The following LRRC49 variants were observed in gnomAD, a reference collection of about 807,000 sequenced individuals.
LRRC49 encodes leucine-rich repeat-containing protein 49.
A neutral mutation model predicts 83.3 loss-of-function variants in LRRC49; 50 were observed. The ratio of observed to expected loss-of-function variants is 0.60; its 90% CI spans 0.48 to 0.76. The LOEUF (loss-of-function observed/expected upper bound fraction) is 0.76, where lower values mean the gene tolerates loss of function less well. LRRC49 is among the 30% of genes least tolerant of loss of function. The pLI, the probability that LRRC49 is intolerant of heterozygous loss-of-function variation, is 0.00. For synonymous variants in LRRC49, 286 were observed against 283.3 expected (o/e 1.01, Z -0.10); for missense variants, 704 against 809.1 (o/e 0.87, Z 1.58).
intron 8 of LRRC49, among the ~76,000 whole-genome samples, chr15:70,946,450 C>T (rs2036011165): frequency 1.3e-5 from 2 of 152,040 alleles, no homozygotes; most frequent in African/African-American, 4.8e-5. Context: ...AATTGTATTC[C>T]ACTGTGCATA....
intron 8 of LRRC49, among the ~76,000 whole-genome samples, chr15:70,956,853 A>C (rs2036419037): frequency 6.6e-6 from 1 of 152,192 alleles, no homozygotes; most frequent in East Asian, 1.9e-4. Flanking sequence ...TCAAAGCATA[A>C]AGACTTCAGT....
In LRRC49 at chr15:71,042,875, C is replaced by T. The variant is rs542295102; in HGVS notation, c.1857+5543C>T. Among the ~76,000 whole-genome samples, 27 of 152,250 alleles carry T rather than the reference C, an allele frequency of 1.8e-4. 1 individual carries two copies. The South Asian group carries it at 3.7e-3, about 21-fold the overall frequency. ...AACTCAGATGAGTTACTGAGGGTCA[C>T]GTTGAATTATTGACTGAGCCGCCTC... On this transcript the variant is annotated intron_variant, in intron 15 of 15. Coordinates refer to ENST00000260382, the MANE Select transcript of LRRC49 (RefSeq NM_017691.5).
chr15:71,036,256 A>T (rs113583186), intron 14 of LRRC49, among the ~76,000 whole-genome samples: 2,964 of 152,050 alleles, frequency 0.019, 93 homozygotes, highest in African/African-American at 0.068. Context: ...TGTCAGATGG[A>T]TAGATAGCAA....
Position 70,872,159 on chromosome 15 carries a change from C to G in LRRC49, c.-298-749C>G, listed in dbSNP as rs535353140. Among the ~76,000 whole-genome samples the G allele has an allele frequency of 8.5e-5, 13 of 152,314 alleles. No individual in the cohort carries two copies. In the East Asian group the frequency reaches 2.5e-3, roughly 29 times the overall value. On this transcript the variant is annotated intron_variant, in intron 1 of 16. Coordinates refer to the LRRC49 transcript ENST00000544974. ...CTGCAATCCTGGCACCTCGGGAGGC[C>G]GAAGCTGGCAGATCACTCACGGTCA...
intron 11 of LRRC49, among the ~76,000 whole-genome samples, chr15:70,998,396 AT>A (rs1209913238): frequency 1.3e-5 from 2 of 152,032 alleles, no homozygotes; most frequent in African/African-American, 2.4e-5. Context: ...GCTTTTGTTT[AT>A]CAGGGAATGT....
At chr15:70,962,875 A>G (rs2036653537) in intron 8 of LRRC49, among the ~76,000 whole-genome samples, 1 of 152,058 alleles carries the variant, frequency 6.6e-6, no homozygotes, top group African/African-American at 2.4e-5. Context: ...AGAGGATGCA[A>G]TGGTAACTTT....
intron 7 of LRRC49, among the ~76,000 whole-genome samples, chr15:70,920,034 G>T (rs1485223259): frequency 6.6e-6 from 1 of 152,166 alleles, no homozygotes; most frequent in Non-Finnish European, 1.5e-5. Flanking sequence ...TTTGTGATAT[G>T]ATACAGCTAA....
rs577246810 is a variant in LRRC49, at chr15:71,048,435, T to G, written c.1858-974T>G. Among the ~76,000 whole-genome samples, 4 of 152,270 alleles carry G rather than the reference T, an allele frequency of 2.6e-5. No homozygotes were observed. In the South Asian group the frequency reaches 8.3e-4, roughly 32 times the overall value. ...TTAGCTCATTTAATTTATCTTGAAA[T>G]TATTTTGGTGTTTTGACTTGAGTTG... is the stretch of plus-strand genomic sequence containing the variant. On this transcript the variant is annotated intron_variant, in intron 15 of 15. Coordinates refer to ENST00000260382, the MANE Select transcript of LRRC49 (RefSeq NM_017691.5).
In LRRC49 at chr15:71,051,615, G is replaced by A. The variant is rs950147967; in HGVS notation, c.*2003G>A. 6.6e-6 allele frequency: 1 copy of A among 152,208 alleles called. No homozygotes were observed. The highest frequency in any genetic ancestry group is 1.5e-5 in the Non-Finnish European group (1 of 68,096). 9.4% of individuals were successfully genotyped at this position (152,208 alleles called of 1,614,324 possible). A position where few individuals can be genotyped will look rare whatever the true frequency, so the allele number is the denominator to read the frequency against. On this transcript the variant is annotated 3_prime_UTR_variant, in exon 16 of 16. Transcript: ENST00000260382. Reference sequence around the variant, plus strand: ...AGTCTGGGTAACTGTTCCCACTCTAGGCTTTGCAGATGAATGGACCTAGCT... The same window carrying A: ...AGTCTGGGTAACTGTTCCCACTCTAAGCTTTGCAGATGAATGGACCTAGCT...
upstream of LRRC49, chr15:70,891,780 C>T: frequency 7.1e-7 from 1 of 1,405,834 alleles, no homozygotes; most frequent in Non-Finnish European, 9.4e-7. Flanking sequence ...CAAGGTGACA[C>T]TAAGTGGAGG....
chr15:71,014,176 A>C (rs2038750583), intron 14 of LRRC49, among the ~76,000 whole-genome samples: 2 of 152,234 alleles, frequency 1.3e-5, no homozygotes, highest in East Asian at 3.8e-4. Flanking sequence ...TGATGTAGAA[A>C]GAAATCGGTA....
At chr15:70,989,938 G>C (rs1184241668) in intron 11 of LRRC49, among the ~76,000 whole-genome samples, 1 of 152,192 alleles carries the variant, frequency 6.6e-6, no homozygotes, top group Admixed American at 6.5e-5. Flanking sequence ...GGTGGCGGCA[G>C]AACAGCGGAT....
intron 2 of LRRC49, among the ~76,000 whole-genome samples, chr15:70,874,026 G>C (rs933549213): frequency 6.6e-6 from 1 of 152,200 alleles, no homozygotes; most frequent in African/African-American, 2.4e-5. Context: ...CATTTCCTGG[G>C]TGTTGTTAGT....
At chr15:70,853,979 C>T in intron 1 of LRRC49, 1 of 1,462,728 alleles carries the variant, frequency 6.8e-7, no homozygotes, top group Non-Finnish European at 9.1e-7. Flanking sequence ...AGTCTCCGCC[C>T]CCTCCTCCTC....
intron 1 of LRRC49, among the ~76,000 whole-genome samples, chr15:70,865,862 T>A (rs1221478111): frequency 6.6e-6 from 1 of 152,212 alleles, no homozygotes; most frequent in Non-Finnish European, 1.5e-5. Context: ...ACTTGGATAT[T>A]TGCTTGAATG....
At chr15:71,016,426 G>GACT (rs955457642) in intron 14 of LRRC49, among the ~76,000 whole-genome samples, 3 of 151,928 alleles carry the variant, frequency 2.0e-5, no homozygotes, top group Admixed American at 1.3e-4. Context: ...AGAAAGATTA[G>GACT]AAAGTAATGA....
At chr15:70,942,828 A>T (rs2035869754) in intron 8 of LRRC49, among the ~76,000 whole-genome samples, 2 of 152,198 alleles carry the variant, frequency 1.3e-5, no homozygotes, top group African/African-American at 2.4e-5. Flanking sequence ...AAAAACAGAG[A>T]TCTTGCTTCA....
At chr15:70,965,694 C>G (rs898160746) in intron 9 of LRRC49, among the ~76,000 whole-genome samples, 1 of 151,960 alleles carries the variant, frequency 6.6e-6, no homozygotes, top group African/African-American at 2.4e-5. Context: ...ACAACATGTT[C>G]TTCATATTTA....
At chr15:70,870,647 C>T (rs890653075) in intron 1 of LRRC49, among the ~76,000 whole-genome samples, 1 of 152,158 alleles carries the variant, frequency 6.6e-6, no homozygotes, top group Non-Finnish European at 1.5e-5. Context: ...TGTGCCACCA[C>T]GCCCAGCTAA....
Sources: allele counts gnomAD v4.1 joint callset (sites outside exome capture counted in the v4.1 genomes callset), GRCh38; gene constraint gnomAD v4.1.1; transcripts MANE v1.5; gene names NCBI Gene and HGNC (gene_info 2026-07-23, HGNC 2026-07-21).